The following RAP1GAP2 variants were observed in gnomAD, a reference collection of about 807,000 sequenced individuals.
RAP1GAP2 encodes rap1 GTPase-activating protein 2.
In RAP1GAP2, 27 loss-of-function variants were observed where a neutral mutation model predicts 95.0. That is an observed-to-expected ratio of 0.28 (90% CI 0.21 to 0.39). RAP1GAP2 has a LOEUF of 0.39. Ranked by LOEUF, RAP1GAP2 falls within the 10% of genes least tolerant of loss-of-function variation. RAP1GAP2 has a pLI of 1.00. For synonymous variants in RAP1GAP2, 373 were observed against 380.9 expected, an observed-to-expected ratio of 0.98 and a Z score of 0.24; for missense variants, 771 against 970.0, an observed-to-expected ratio of 0.79 and a Z score of 2.72.
chr17:3,011,037 C>A (rs899299293), intron 17 of RAP1GAP2, among the ~76,000 whole-genome samples: 1 of 152,054 alleles, frequency 6.6e-6, no homozygotes, highest in Non-Finnish European at 1.5e-5. Context: ...AGTGATTATC[C>A]TACCTCAGCC....
chr17:2,972,192 G>T (rs936978651), intron 8 of RAP1GAP2, among the ~76,000 whole-genome samples: 4 of 152,132 alleles, frequency 2.6e-5, no homozygotes, highest in Non-Finnish European at 5.9e-5. Context: ...AGTTCTCAAA[G>T]AATTATCTCT....
chr17:3,015,487 T>C (rs2046727467), intron 17 of RAP1GAP2, among the ~76,000 whole-genome samples: 2 of 152,188 alleles, frequency 1.3e-5, no homozygotes, highest in South Asian at 4.2e-4. Flanking sequence ...GCCCTGCCAT[T>C]TTCTTGGGAC....
chr17:2,766,235 T>A (rs1339816396), intron 1 of RAP1GAP2, among the ~76,000 whole-genome samples: 1 of 152,200 alleles, frequency 6.6e-6, no homozygotes, highest in Non-Finnish European at 1.5e-5. Flanking sequence ...CAGTGAGTCC[T>A]TGTTATGAAC....
chr17:2,979,781 T>G (rs1270724770), intron 8 of RAP1GAP2, among the ~76,000 whole-genome samples: 1 of 151,998 alleles, frequency 6.6e-6, no homozygotes, highest in Non-Finnish European at 1.5e-5. Flanking sequence ...GTTCTTTAAG[T>G]AGCCACCTCC....
intron 2 of RAP1GAP2, among the ~76,000 whole-genome samples, chr17:2,879,760 G>A (rs1205021436): frequency 6.6e-6 from 1 of 150,892 alleles, no homozygotes; most frequent in African/African-American, 2.4e-5. Flanking sequence ...GCTTCCTGTT[G>A]GGTCCTCCTC....
In RAP1GAP2 at chr17:2,904,835, G is replaced by T. The variant is rs1189337371; in HGVS notation, c.81-449G>T. ...TAGAGTAGCACTGCTTTAGATTTTG[G>T]TGCATTGGAGTAAAGAAAATGCTCC... On this transcript the variant is annotated intron_variant, in intron 2 of 24. Coordinates refer to ENST00000254695, the MANE Select transcript of RAP1GAP2 (RefSeq NM_015085.5). This position sits in a 1 kb window ranked among gnomAD's most constrained non-coding sequence, Gnocchi z 4.7. 6.6e-6 allele frequency among the ~76,000 whole-genome samples: 1 copy of T among 152,050 alleles called. No individual in the cohort carries two copies. Among genetic ancestry groups the T allele is most frequent in the Non-Finnish European group, 1.5e-5 (1 of 68,034 alleles).
chr17:2,917,749 TC>T (rs2042616739), intron 3 of RAP1GAP2, among the ~76,000 whole-genome samples: 2 of 151,140 alleles, frequency 1.3e-5, no homozygotes, highest in African/African-American at 2.4e-5. Flanking sequence ...GGAGTCTTGC[TC>T]TGTTGCCCAG....
chr17:2,783,347 C>A (rs1190641421), intron 1 of RAP1GAP2, among the ~76,000 whole-genome samples: 1 of 152,186 alleles, frequency 6.6e-6, no homozygotes, highest in Non-Finnish European at 1.5e-5. Context: ...CCTCTACTTC[C>A]TAACCCCCTC....
intron 17 of RAP1GAP2, among the ~76,000 whole-genome samples, chr17:3,011,778 C>T (rs894206312): frequency 6.6e-6 from 1 of 152,052 alleles, no homozygotes; most frequent in Non-Finnish European, 1.5e-5. Context: ...CGCCACCACA[C>T]ATGGCTAAAT....
At chr17:2,994,567 T>G (rs574071195) in intron 12 of RAP1GAP2, among the ~76,000 whole-genome samples, 1 of 152,336 alleles carries the variant, frequency 6.6e-6, no homozygotes, top group East Asian at 1.9e-4. Context: ...CTCTTCTGAC[T>G]GACTCCAGAT....
Position 2,963,352 on chromosome 17 carries a change from T to G in RAP1GAP2, c.247-78T>G. The G allele has an allele frequency of 2.0e-6, 3 of 1,482,388 alleles. No individual in the cohort carries two copies. The highest frequency in any genetic ancestry group is 1.9e-6 in the Non-Finnish European group (2 of 1,069,340). The allele number at this position is 1,482,388 out of a possible 1,614,324, so 91.8% of individuals were successfully genotyped here. ...AAGCCCCCCCACAACATATCCCCCTTGCAAGACCTGGAAACAGTGGTCAGA... is the reference window on the plus strand; with the variant it reads ...AAGCCCCCCCACAACATATCCCCCTGGCAAGACCTGGAAACAGTGGTCAGA... On this transcript the variant is annotated intron_variant, in intron 5 of 24. Coordinates refer to ENST00000254695, the MANE Select transcript of RAP1GAP2 (RefSeq NM_015085.5). This position sits in a 1 kb window ranked among gnomAD's most constrained non-coding sequence, Gnocchi z 4.8.
intron 2 of RAP1GAP2, among the ~76,000 whole-genome samples, chr17:2,830,312 G>A (rs1164124371): frequency 2.0e-5 from 3 of 152,168 alleles, no homozygotes; most frequent in African/African-American, 7.2e-5. Flanking sequence ...TACTCGGGAG[G>A]CTGAGGGAGG....
chr17:3,026,222 G>A, intron 20 of RAP1GAP2, 101 bp downstream of exon 20: 1 of 1,309,320 alleles, frequency 7.6e-7, no homozygotes, highest in Non-Finnish European at 1.1e-6. Flanking sequence ...TCCTGCCTCT[G>A]GAACTCTCCA....
At chr17:2,800,618 C>A in intron 2 of RAP1GAP2, 68 bp downstream of exon 2, 1 of 1,528,582 alleles carries the variant, frequency 6.5e-7, no homozygotes, top group Non-Finnish European at 8.9e-7. Context: ...GCCCTTGCTC[C>A]CCCCAGGTTG....
At chr17:2,826,941 G>A (rs971030134) in intron 2 of RAP1GAP2, among the ~76,000 whole-genome samples, 3 of 152,226 alleles carry the variant, frequency 2.0e-5, no homozygotes, top group Non-Finnish European at 4.4e-5. Flanking sequence ...GGGAATGGGA[G>A]GTTGCAGTGA....
intron 2 of RAP1GAP2, among the ~76,000 whole-genome samples, chr17:2,846,751 T>G (rs2071605573): frequency 6.6e-6 from 1 of 152,176 alleles, no homozygotes; most frequent in Admixed American, 6.5e-5. Context: ...CAAGGCCGCA[T>G]GCATAGTAAA....
At chr17:2,982,342 G>T (rs1035731106) in intron 10 of RAP1GAP2, among the ~76,000 whole-genome samples, 8 of 152,198 alleles carry the variant, frequency 5.3e-5, no homozygotes, top group African/African-American at 9.7e-5. Context: ...GTTTCACCAT[G>T]TTGGCCAGGC....
rs533346814 is a variant in RAP1GAP2 at position 2,904,380 on chromosome 17, C to T, written c.81-904C>T. ...ATGGAAAGTGGGGAGTGTGTGAGCG[C>T]GGCAAACTTGTCGCAGTCATGTTGC... On this transcript the variant is annotated intron_variant, in intron 2 of 24. Transcript: ENST00000254695. The surrounding 1 kb of genome is among the most constrained non-coding windows in gnomAD (Gnocchi z 4.7). 5.9e-5 allele frequency among the ~76,000 whole-genome samples: 9 copies of T among 152,226 alleles called. No individual in the cohort carries two copies. In the South Asian group the frequency reaches 6.2e-4, roughly 11 times the overall value.
rs1213127676 is a variant in RAP1GAP2, at chr17:3,029,744, T to A, written c.2108-1178T>A. ...GCCAGAGGACAGCCAGAAAGTCAAG[T>A]GGCCCTCCTGCCAGCGGGGCACAGC... On this transcript the variant is annotated intron_variant, in intron 22 of 24. Transcript: ENST00000254695. The surrounding 1 kb of genome is among the most constrained non-coding windows in gnomAD (Gnocchi z 4.4). Among the ~76,000 whole-genome samples, 1 of 152,098 alleles carries A rather than the reference T, an allele frequency of 6.6e-6. No homozygotes were observed. The highest frequency in any genetic ancestry group is 1.5e-5 in the Non-Finnish European group (1 of 68,018).
Sources: allele counts gnomAD v4.1 joint callset (sites outside exome capture counted in the v4.1 genomes callset), GRCh38; gene constraint gnomAD v4.1.1; non-coding constraint Gnocchi (gnomAD v3.1); transcripts MANE v1.5; gene names NCBI Gene and HGNC (gene_info 2026-07-23, HGNC 2026-07-21).